IFT80: variants seen among roughly 807,000 people sequenced by gnomAD.
The protein encoded by IFT80 is intraflagellar transport 80, also known as intraflagellar transport protein 80 homolog.
IFT80 carries 79 observed loss-of-function variants against 107.9 expected under a neutral mutation model. That is an observed-to-expected ratio of 0.73 (90% confidence interval 0.61 to 0.88). The LOEUF is 0.88. Among genes scored for constraint, IFT80 ranks in the 40% least tolerant of loss-of-function variants. The pLI, the probability that IFT80 is intolerant of heterozygous loss-of-function variation, is 0.00. For missense variants in IFT80, 797 were observed against 914.2 expected, an observed-to-expected ratio of 0.87 and a Z score of 1.65; for synonymous variants, 299 against 300.9, an observed-to-expected ratio of 0.99 and a Z score of 0.07.
In IFT80 at chr3:160,277,349, A is replaced by T. The variant is rs575157662; in HGVS notation, c.2056T>A (p.Tyr686Asn). Residue 686 changes from tyrosine to asparagine, a missense_variant, in exon 18 of 20, where the codon TAT becomes AAT. Coordinates refer to ENST00000326448, the MANE Select transcript of IFT80 (RefSeq NM_020800.3). ...TTAATATTGATCTGGATTGCTTGAT[A>T]AACAAGGCCAGCCTGAAGAAGTACT... ...EIVLLQAGLV[Y>N]QAIQININLY... The T allele has an allele frequency of 2.5e-6, 4 of 1,613,542 alleles. No homozygotes were observed. The South Asian group carries it at 4.4e-5, about 18-fold the overall frequency.
At chr3:160,352,945 T>C (rs912193548) in intron 8 of IFT80, among the ~76,000 whole-genome samples, 3 of 152,218 alleles carry the variant, frequency 2.0e-5, no homozygotes, top group African/African-American at 2.4e-5. Context: ...CTGCCTCTAG[T>C]GTACCTCTAC....
rs149367872 is a variant in IFT80, at chr3:160,306,707, G to T, written c.1076+956C>A. ...AAATTGCAGATTCTGATTAGTAGCA[G>T]GTTTACACATAATGAATGGGAATTT... On this transcript the variant is annotated intron_variant, in intron 10 of 19. Transcript: ENST00000326448. Among the ~76,000 whole-genome samples, 30 of 152,230 alleles carry T rather than the reference G, an allele frequency of 2.0e-4. No homozygotes were observed. The East Asian group carries it at 5.6e-3, about 28-fold the overall frequency.
chr3:160,301,451 T>C (rs375807772), intron 11 of IFT80, among the ~76,000 whole-genome samples: 7 of 151,936 alleles, frequency 4.6e-5, no homozygotes, highest in Admixed American at 3.9e-4. Context: ...TCTTAATATA[T>C]ATTTTATAAC....
At chr3:160,341,024 T>A (rs1040940148) in intron 8 of IFT80, among the ~76,000 whole-genome samples, 6 of 152,062 alleles carry the variant, frequency 3.9e-5, no homozygotes, top group African/African-American at 1.2e-4. Context: ...ACCTTTTTTT[T>A]TTGTTTTTGA....
intron 8 of IFT80, among the ~76,000 whole-genome samples, chr3:160,322,887 GT>G (rs1433738820): frequency 1.2e-4 from 18 of 151,868 alleles, no homozygotes; most frequent in Non-Finnish European, 1.8e-4. Context: ...GGGGTTGTTT[GT>G]TTTTTTCTTG....
chr3:160,259,626 C>T (rs1712657959), intron 19 of IFT80, among the ~76,000 whole-genome samples: 6 of 152,198 alleles, frequency 3.9e-5, no homozygotes, highest in Admixed American at 3.3e-4. Context: ...TATTTGTTTG[C>T]TTCCCTTCTA....
chr3:160,325,946 T>C (rs574243308), intron 8 of IFT80, among the ~76,000 whole-genome samples: 8 of 152,188 alleles, frequency 5.3e-5, no homozygotes, highest in South Asian at 2.1e-4. Flanking sequence ...TATAACAATA[T>C]TGTGATAGTA....
intron 16 of IFT80, among the ~76,000 whole-genome samples, chr3:160,278,493 C>T (rs987205046): frequency 6.6e-6 from 1 of 152,162 alleles, no homozygotes; most frequent in Non-Finnish European, 1.5e-5. Context: ...TGCAGTCCAC[C>T]ACTTTTCCCT....
chr3:160,308,081 CT>C (rs760080009), intron 9 of IFT80, among the ~76,000 whole-genome samples: 50 of 152,198 alleles, frequency 3.3e-4, no homozygotes, highest in Admixed American at 6.5e-4. Flanking sequence ...TATTCCAACA[CT>C]GAGATATAGT....
chr3:160,292,105 T>TG (rs1318244912), intron 12 of IFT80, among the ~76,000 whole-genome samples: 1 of 152,200 alleles, frequency 6.6e-6, no homozygotes, highest in Non-Finnish European at 1.5e-5. Flanking sequence ...CCAGTAGCCC[T>TG]GGATGGCTAC....
At chr3:160,320,112 T>G in intron 8 of IFT80, 173 bp from the exon 9 acceptor site, 1 of 602,394 alleles carries the variant, frequency 1.7e-6, no homozygotes, top group Non-Finnish European at 2.9e-6. Flanking sequence ...CAGATGTAAT[T>G]GTTGAAGTCC....
chr3:160,326,240 T>C (rs1004240322), intron 8 of IFT80, among the ~76,000 whole-genome samples: 1 of 152,012 alleles, frequency 6.6e-6, no homozygotes, highest in African/African-American at 2.4e-5. Flanking sequence ...AGAGAATAAG[T>C]CTTTAATAGT....
At chr3:160,312,399 T>C (rs1159564815) in intron 9 of IFT80, among the ~76,000 whole-genome samples, 1 of 150,180 alleles carries the variant, frequency 6.7e-6, no homozygotes, top group Non-Finnish European at 1.5e-5. Flanking sequence ...TAGTCCCTTG[T>C]CTCACTTCAA....
chr3:160,300,208 A>T (rs1034421287), intron 12 of IFT80, among the ~76,000 whole-genome samples: 17 of 152,092 alleles, frequency 1.1e-4, no homozygotes, highest in Non-Finnish European at 2.2e-4. Context: ...ATTAAATTTT[A>T]ATTTTTATTT....
intron 8 of IFT80, among the ~76,000 whole-genome samples, chr3:160,345,317 G>A (rs1176005272): frequency 2.6e-5 from 4 of 152,150 alleles, no homozygotes; most frequent in African/African-American, 4.8e-5. Context: ...ACTATGTTAA[G>A]TGAAATAAGC....
intron 10 of IFT80, among the ~76,000 whole-genome samples, chr3:160,305,771 T>C (rs1716790801): frequency 6.6e-6 from 1 of 152,154 alleles, no homozygotes; most frequent in South Asian, 2.1e-4. Context: ...ATGTCTGTTT[T>C]TAAAATTATA....
intron 5 of IFT80, among the ~76,000 whole-genome samples, chr3:160,367,984 T>G (rs922561270): frequency 6.6e-6 from 1 of 151,906 alleles, no homozygotes; most frequent in African/African-American, 2.4e-5. Flanking sequence ...CCAACTATAT[T>G]TACAAAACCA....
intron 8 of IFT80, chr3:160,343,816 C>A: frequency 3.2e-6 from 1 of 314,584 alleles, no homozygotes; most frequent in Non-Finnish European, 6.4e-6. Flanking sequence ...GGAATAAAAA[C>A]TGTCAACAAA....
chr3:160,344,073 C>T (rs1720110621), intron 8 of IFT80, among the ~76,000 whole-genome samples: 1 of 152,154 alleles, frequency 6.6e-6, no homozygotes, highest in Admixed American at 6.5e-5. Context: ...CAATGTTCTA[C>T]AAGGAGCCCC....
Sources: gnomAD v4.1 joint callset for allele counts (sites outside exome capture counted in the v4.1 genomes callset) on GRCh38, gnomAD v4.1.1 for gene constraint, MANE v1.5 for transcripts, NCBI Gene and HGNC (gene_info 2026-07-23, HGNC 2026-07-21) for gene names.